DHX57: variants seen among roughly 807,000 people sequenced by gnomAD.
The protein encoded by DHX57 is DExH-box helicase 57.
Under a neutral mutation model 156.2 loss-of-function variants are expected in DHX57, and 105 were observed. The observed-to-expected ratio is 0.67, with a 90% CI of 0.57 to 0.79. DHX57 has a LOEUF of 0.79. DHX57 is among the 30% of genes least tolerant of loss of function. DHX57 has a pLI of 0.00. For synonymous variants in DHX57, 704 were observed against 595.6 expected (o/e 1.18, Z -2.65); for missense variants, 1,847 against 1,661.9 (o/e 1.11, Z -1.94).
At chr2:38,847,193 G>A in intron 10 of DHX57, 120 bp from the exon 11 acceptor site, 1 of 766,440 alleles carries the variant, frequency 1.3e-6, no homozygotes, top group Non-Finnish European at 2.0e-6. Flanking sequence ...TTGTTCTGTG[G>A]TCTTAAAAGT....
intron 19 of DHX57, among the ~76,000 whole-genome samples, chr2:38,818,361 C>T (rs1670649513): frequency 6.6e-6 from 1 of 151,958 alleles, no homozygotes; most frequent in South Asian, 2.1e-4. Flanking sequence ...CCCATCTCTA[C>T]TAAAAATACA....
At chr2:38,851,835 T>C (rs1273514841) in intron 9 of DHX57, among the ~76,000 whole-genome samples, 1 of 152,202 alleles carries the variant, frequency 6.6e-6, no homozygotes, top group Non-Finnish European at 1.5e-5. Context: ...AATGTTTTAT[T>C]TGGCTTCCTC....
intron 14 of DHX57, 144 bp from the exon 15 acceptor site, chr2:38,826,833 T>C: frequency 2.2e-6 from 2 of 914,384 alleles, no homozygotes; most frequent in Non-Finnish European, 3.2e-6. Context: ...TCAGCTCTTC[T>C]ACATAGTAAA....
At position 38,858,508 on chromosome 2, in the gene DHX57, C is replaced by G. The variant is rs985233744; in HGVS notation, c.1587+153G>C. Among the ~76,000 whole-genome samples the G allele has an allele frequency of 2.6e-5, 4 of 152,180 alleles. No homozygotes were observed. In the South Asian group the frequency reaches 8.3e-4, roughly 31 times the overall value. On this transcript the variant is annotated intron_variant, in intron 6 of 23. Coordinates refer to ENST00000457308, the MANE Select transcript of DHX57 (RefSeq NM_198963.3). Reference sequence around the variant, plus strand: ...TTTCCAAAACCATCTAGCATATGCACTTAAGTTTGCTGTGGCCTGTAGAAA... The same window carrying G: ...TTTCCAAAACCATCTAGCATATGCAGTTAAGTTTGCTGTGGCCTGTAGAAA...
chr2:38,825,755 T>C (rs1671056185), intron 16 of DHX57, 92 bp downstream of exon 16: 1 of 1,326,668 alleles, frequency 7.5e-7, no homozygotes, highest in Admixed American at 1.9e-5. Flanking sequence ...CTTAGCCAAA[T>C]ATCTTCTAGA....
intron 2 of DHX57, 145 bp downstream of exon 2, chr2:38,868,037 A>G: frequency 9.7e-7 from 1 of 1,029,286 alleles, no homozygotes. Flanking sequence ...GTTATTTCCC[A>G]TCATGTCTTC....
intron 2 of DHX57, among the ~76,000 whole-genome samples, chr2:38,865,240 C>T (rs563531299): frequency 1.7e-4 from 26 of 152,246 alleles, no homozygotes; most frequent in Non-Finnish European, 3.2e-4. Context: ...CCATAATCCC[C>T]ACATGTTATG....
At chr2:38,849,843 A>G (rs777491415) in intron 9 of DHX57, among the ~76,000 whole-genome samples, 1 of 152,172 alleles carries the variant, frequency 6.6e-6, no homozygotes, top group Non-Finnish European at 1.5e-5. Flanking sequence ...TACTCCAAAG[A>G]TAGTTTTTCA....
At chr2:38,848,552 G>GA (rs753604935) in intron 9 of DHX57, 150 bp from the exon 10 acceptor site, 12 of 755,084 alleles carry the variant, frequency 1.6e-5, no homozygotes, top group Non-Finnish European at 2.4e-5. Flanking sequence ...CCTGTTCTTG[G>GA]ATGTGAAGCC....
chr2:38,872,882 G>C (rs184833460), intron 1 of DHX57, among the ~76,000 whole-genome samples: 105 of 152,162 alleles, frequency 6.9e-4, no homozygotes, highest in Admixed American at 1.5e-3. Context: ...AGACCTAATA[G>C]GTGTCTATAG....
chr2:38,868,167 A>G lies in DHX57; in HGVS notation c.224+15T>C. On this transcript the variant is annotated intron_variant, in intron 2 of 23. Coordinates refer to ENST00000457308, the MANE Select transcript of DHX57 (RefSeq NM_198963.3). ...TACCATTTCCATATTTAAACATTCA[A>G]AGAGTTATAATGACCTGGAAGGGCG... 3 of 1,612,142 alleles carry G rather than the reference A, an allele frequency of 1.9e-6. No homozygotes were observed. The highest frequency in any genetic ancestry group is 2.5e-6 in the Non-Finnish European group (3 of 1,178,718).
chr2:38,854,992 C>T (rs1672810424), intron 8 of DHX57, 65 bp downstream of exon 8: 1 of 1,596,600 alleles, frequency 6.3e-7, no homozygotes, highest in Admixed American at 1.7e-5. Flanking sequence ...CTCCTAACCC[C>T]CAAAACTTTT....
intron 22 of DHX57, among the ~76,000 whole-genome samples, chr2:38,804,612 C>T (rs1669857444): frequency 6.6e-6 from 1 of 151,946 alleles, no homozygotes; most frequent in Non-Finnish European, 1.5e-5. Flanking sequence ...ACCAGGTCCA[C>T]CCAGCCCTAC....
intron 12 of DHX57, among the ~76,000 whole-genome samples, chr2:38,842,152 G>A (rs1167959732): frequency 1.3e-5 from 2 of 152,128 alleles, no homozygotes; most frequent in Admixed American, 6.6e-5. Context: ...AATCAAGATC[G>A]TTTTTGTGAT....
At chr2:38,853,492 C>T (rs998291763) in intron 9 of DHX57, 1 of 152,242 alleles carries the variant, frequency 6.6e-6, no homozygotes, top group Non-Finnish European at 1.5e-5. Context: ...GGGTCTCTCC[C>T]TCCAAACACA....
At chr2:38,837,568 G>A (rs573802482) in intron 13 of DHX57, among the ~76,000 whole-genome samples, 31 of 132,588 alleles carry the variant, frequency 2.3e-4, no homozygotes, top group Middle Eastern at 5.0e-3. Flanking sequence ...CTAAGGTCAC[G>A]CCATTGCACT....
intron 2 of DHX57, among the ~76,000 whole-genome samples, chr2:38,865,628 C>T (rs1323602601): frequency 6.6e-6 from 1 of 152,174 alleles, no homozygotes; most frequent in Non-Finnish European, 1.5e-5. Flanking sequence ...GGATATCTAA[C>T]ACCTCACACA....
intron 2 of DHX57, among the ~76,000 whole-genome samples, chr2:38,865,256 G>T (rs145455320): frequency 1.3e-3 from 191 of 152,272 alleles, no homozygotes; most frequent in African/African-American, 4.5e-3. Flanking sequence ...TTATGGGAGG[G>T]AACCGGTTGG....
chr2:38,847,758 C>CT (rs1558390272), intron 10 of DHX57, among the ~76,000 whole-genome samples: 1 of 152,158 alleles, frequency 6.6e-6, no homozygotes, highest in South Asian at 2.1e-4. Context: ...GTAACTATGA[C>CT]TTTTTTTAAA....
Sources: gnomAD v4.1 joint callset for allele counts (sites outside exome capture counted in the v4.1 genomes callset) on GRCh38, gnomAD v4.1.1 for gene constraint, MANE v1.5 for transcripts, NCBI Gene and HGNC (gene_info 2026-07-23, HGNC 2026-07-21) for gene names.